The following ZNF341 variants were observed in gnomAD, a reference collection of about 807,000 sequenced individuals.
The protein encoded by ZNF341 is zinc finger protein 341.
A neutral mutation model predicts 87.7 loss-of-function variants in ZNF341; 52 were observed. The observed-to-expected ratio is 0.59, with a 90% CI of 0.47 to 0.75. The LOEUF (loss-of-function observed/expected upper bound fraction) is 0.75, where lower values mean the gene tolerates loss of function less well. Ranked by LOEUF, ZNF341 falls within the 30% of genes least tolerant of loss-of-function variation. The pLI is 0.00. For synonymous variants in ZNF341, 459 were observed against 472.7 expected (o/e 0.97, Z 0.38); for missense variants, 977 against 1,145.9 (o/e 0.85, Z 2.13).
intron 5 of ZNF341, among the ~76,000 whole-genome samples, chr20:33,754,048 CA>C (rs1174269891): frequency 1.3e-5 from 2 of 152,086 alleles, no homozygotes; most frequent in African/African-American, 2.4e-5. Flanking sequence ...GGTGGAGGTG[CA>C]AAAATGCAGA....
At chr20:33,767,828 C>T (rs541346364) in intron 9 of ZNF341, among the ~76,000 whole-genome samples, 1 of 152,150 alleles carries the variant, frequency 6.6e-6, no homozygotes, top group Non-Finnish European at 1.5e-5. Flanking sequence ...AAGTAGGCAG[C>T]GTTGGGCTTA....
Position 33,758,657 on chromosome 20 carries a change from C to T in ZNF341, c.938-59C>T, listed in dbSNP as rs1207089548. 1.1e-5 allele frequency: 15 copies of T among 1,412,288 alleles called. No individual in the cohort carries two copies. The East Asian group carries it at 3.2e-4, about 30-fold the overall frequency. The allele number at this position is 1,412,288 out of a possible 1,614,324, so 87.5% of individuals were successfully genotyped here. A position where few individuals can be genotyped will look rare whatever the true frequency, so the allele number is the denominator to read the frequency against. On this transcript the variant is annotated intron_variant, in intron 6 of 14. Coordinates refer to ENST00000375200, the MANE Select transcript of ZNF341 (RefSeq NM_001282933.2). ...TCAGATACAGTAGTCAGAGGCTGCC[C>T]TTGGTGCCCTGAGCTGCACCCCCAG...
At chr20:33,759,310 G>A (rs1285120273) in intron 7 of ZNF341, among the ~76,000 whole-genome samples, 1 of 152,166 alleles carries the variant, frequency 6.6e-6, no homozygotes, top group Non-Finnish European at 1.5e-5. Context: ...TTGAGACTGA[G>A]TTTCACTCTT....
chr20:33,786,718 C>T (rs1476518743), intron 12 of ZNF341, among the ~76,000 whole-genome samples: 2 of 152,050 alleles, frequency 1.3e-5, no homozygotes, highest in East Asian at 1.9e-4. Context: ...CCTGTAATCT[C>T]AGCACTTTGG....
rs34461652 is a variant in ZNF341 at position 33,746,228 on chromosome 20, C to CTTTTTTTTTTTTTTTTTT, written c.339+934_339+951dup. Among the ~76,000 whole-genome samples the CTTTTTTTTTTTTTTTTTT allele has an allele frequency of 4.5e-4, 47 of 104,106 alleles. 2 individuals are homozygous for CTTTTTTTTTTTTTTTTTT. The highest frequency in any genetic ancestry group is 2.2e-3 in the African/African-American group (45 of 20,734). 68.3% of individuals were successfully genotyped at this position (104,106 alleles called of 152,430 possible). On this transcript the variant is annotated intron_variant, in intron 3 of 14. Coordinates refer to ENST00000375200, the MANE Select transcript of ZNF341 (RefSeq NM_001282933.2). ...ACAGGCGTGAGCCACCGCGCCCGGCCTTTTTTTTTTTTTTTTTTTTTTGAG... is the reference window on the plus strand; with the variant it reads ...ACAGGCGTGAGCCACCGCGCCCGGCCTTTTTTTTTTTTTTTTTTTTTTTTTTTTTTTTTTTTTTTTGAG...
At chr20:33,783,692 G>A (rs762079399) in intron 11 of ZNF341, 40 bp from the exon 12 acceptor site, 3 of 1,612,942 alleles carry the variant, frequency 1.9e-6, no homozygotes, top group East Asian at 4.5e-5. Context: ...GGGGAGGGGG[G>A]CCCGGTGAGT....
chr20:33,760,545 A>AT (rs1027926821), intron 7 of ZNF341, among the ~76,000 whole-genome samples: 11 of 151,296 alleles, frequency 7.3e-5, no homozygotes, highest in Admixed American at 3.3e-4. Context: ...AATGAATTTA[A>AT]TTTTTTTTTG....
At position 33,764,039 on chromosome 20, in the gene ZNF341, T is replaced by TA. The variant is rs1219984022; in HGVS notation, c.1222+1984_1222+1985insA. Among the ~76,000 whole-genome samples the TA allele has an allele frequency of 4.0e-5, 6 of 150,232 alleles. No individual in the cohort carries two copies. The South Asian group carries it at 1.1e-3, about 27-fold the overall frequency. The stretch of plus-strand genomic sequence containing the variant: ...CTCTCTCTTTTTTTTTTTTTTTTTT[T>TA]TCTGAGACGGAGTCTCACTCTGTTG... On this transcript the variant is annotated intron_variant, in intron 8 of 14. Coordinates refer to ENST00000375200, the MANE Select transcript of ZNF341 (RefSeq NM_001282933.2).
Position 33,732,196 on chromosome 20 carries a change from C to T in ZNF341, c.31+144C>T. The T allele has an allele frequency of 8.2e-6, 5 of 608,874 alleles. No individual in the cohort carries two copies. Among genetic ancestry groups the T allele is most frequent in the Non-Finnish European group, 1.0e-5 (5 of 486,958 alleles). 37.7% of individuals were successfully genotyped at this position (608,874 alleles called of 1,614,324 possible). ...GAACAGCCGCGGGGCGGGAGGGGCG[C>T]GGGCGGGAACAGCGCGGGAGCCGAG... On this transcript the variant is annotated intron_variant, in intron 1 of 14. Coordinates refer to ENST00000375200, the MANE Select transcript of ZNF341 (RefSeq NM_001282933.2). The surrounding 1 kb of genome is among the most constrained non-coding windows in gnomAD (Gnocchi z 4.5).
intron 1 of ZNF341, among the ~76,000 whole-genome samples, chr20:33,736,313 G>A (rs900670295): frequency 8.6e-5 from 13 of 151,746 alleles, no homozygotes; most frequent in African/African-American, 1.9e-4. Flanking sequence ...AGAGAAAGAC[G>A]CCTGACCTAA....
intron 14 of ZNF341, among the ~76,000 whole-genome samples, chr20:33,789,798 C>T (rs1425250522): frequency 6.6e-6 from 1 of 152,200 alleles, no homozygotes; most frequent in African/African-American, 2.4e-5. Context: ...CACAGTCCCC[C>T]AGTCCAAGGA....
intron 1 of ZNF341, among the ~76,000 whole-genome samples, chr20:33,734,925 C>CA (rs2018647717): frequency 1.3e-5 from 2 of 152,012 alleles, no homozygotes; most frequent in Admixed American, 1.3e-4. Flanking sequence ...AGGCTGGTCT[C>CA]AAACTCCTGA....
At position 33,764,469 on chromosome 20, in the gene ZNF341, C is replaced by T. The variant is rs533643511; in HGVS notation, c.1223-2382C>T. Among the ~76,000 whole-genome samples the T allele has an allele frequency of 4.5e-4, 63 of 140,684 alleles. No individual in the cohort carries two copies. In the East Asian group the frequency reaches 0.013, roughly 29 times the overall value. 92.3% of individuals were successfully genotyped at this position (140,684 alleles called of 152,430 possible). A position where few individuals can be genotyped will look rare whatever the true frequency, so the allele number is the denominator to read the frequency against. On this transcript the variant is annotated intron_variant, in intron 8 of 14. Transcript: ENST00000375200. ...AATTTTAATTATATATCTTATTTAA[C>T]CATATATGTGTATGTGTGTATATAT...
At position 33,757,270 on chromosome 20, in the gene ZNF341, C is replaced by T. The variant is rs2019196907; in HGVS notation, c.864C>T (p.Gly288=). ...PAAPMTSATG[G]TVATFDSPAT... ...CCCCCATGACCAGCGCCACCGGGGG[C>T]ACGGTGGCCACCTTTGACTCTCCAG... Residue 288 remains glycine, a synonymous_variant, in exon 6 of 15, where the codon GGC becomes GGT. Coordinates refer to ENST00000375200, the MANE Select transcript of ZNF341 (RefSeq NM_001282933.2). The T allele has an allele frequency of 2.5e-6, 4 of 1,605,724 alleles. No individual in the cohort carries two copies. Among genetic ancestry groups the T allele is most frequent in the East Asian group, 2.3e-5 (1 of 43,962 alleles).
At chr20:33,733,186 A>G (rs935240188) in intron 1 of ZNF341, among the ~76,000 whole-genome samples, 7 of 147,574 alleles carry the variant, frequency 4.7e-5, no homozygotes, top group Non-Finnish European at 1.0e-4. Flanking sequence ...AGCTGGGACT[A>G]TAGGCGTGCA....
chr20:33,748,279 C>T (rs1460717583), intron 3 of ZNF341, among the ~76,000 whole-genome samples: 3 of 151,758 alleles, frequency 2.0e-5, no homozygotes, highest in Non-Finnish European at 4.4e-5. Context: ...ACCACGTTGG[C>T]CAGGATGGTC....
chr20:33,790,616 A>G (rs992866400), intron 14 of ZNF341, among the ~76,000 whole-genome samples: 1 of 152,174 alleles, frequency 6.6e-6, no homozygotes, highest in African/African-American at 2.4e-5. Flanking sequence ...AATGACTTGG[A>G]CACACAGGGC....
chr20:33,761,848 C>A lies in ZNF341; in HGVS notation c.1029-14C>A. 6.8e-7 allele frequency: 1 copy of A among 1,480,526 alleles called. No individual in the cohort carries two copies. The allele number at this position is 1,480,526 out of a possible 1,614,324, so 91.7% of individuals were successfully genotyped here. ...GTTCCTGCAGGAGGGCACTGACAAGCTTGTCTTCCACAGCCACACCGGTGA... is the reference window on the plus strand; with the variant it reads ...GTTCCTGCAGGAGGGCACTGACAAGATTGTCTTCCACAGCCACACCGGTGA... On this transcript the variant is annotated splice_polypyrimidine_tract_variant and intron_variant, in intron 7 of 14. Transcript: ENST00000375200.
chr20:33,790,673 C>T (rs1486681042), intron 14 of ZNF341, among the ~76,000 whole-genome samples: 2 of 152,124 alleles, frequency 1.3e-5, no homozygotes, highest in African/African-American at 4.8e-5. Context: ...TGGCCTCAGG[C>T]GTCACGGCCC....
Sources: allele counts gnomAD v4.1 joint callset (sites outside exome capture counted in the v4.1 genomes callset), GRCh38; gene constraint gnomAD v4.1.1; non-coding constraint Gnocchi (gnomAD v3.1); transcripts MANE v1.5; gene names NCBI Gene and HGNC (gene_info 2026-07-23, HGNC 2026-07-21).